Variants in MAD1L1 observed in about 807,000 individuals in gnomAD.
MAD1L1 encodes mitotic arrest deficient 1 like 1, also known as mitotic spindle assembly checkpoint protein MAD1.
MAD1L1 carries 95 observed loss-of-function variants against 96.9 expected under a neutral mutation model. That is an observed-to-expected ratio of 0.98 (90% CI 0.83 to 1.16). MAD1L1 has a LOEUF of 1.16. Ranked by LOEUF, MAD1L1 falls within the 50% of genes most tolerant of loss-of-function variation. MAD1L1 has a pLI of 0.00. For missense variants in MAD1L1, 1,007 were observed against 954.4 expected (o/e 1.06, Z -0.73); for synonymous variants, 473 against 396.6 (o/e 1.19, Z -2.29).
At chr7:1,843,818 T>C (rs1783423131) in intron 18 of MAD1L1, among the ~76,000 whole-genome samples, 1 of 152,180 alleles carries the variant, frequency 6.6e-6, no homozygotes, top group Non-Finnish European at 1.5e-5. Context: ...CCAGACAGCG[T>C]GGGCAATGCT....
chr7:1,916,666 T>C (rs1788417419), intron 17 of MAD1L1, among the ~76,000 whole-genome samples: 1 of 152,064 alleles, frequency 6.6e-6, no homozygotes, highest in Non-Finnish European at 1.5e-5. Flanking sequence ...TGGGGGATGA[T>C]CACTGGCGGG....
At chr7:2,205,084 C>CTTTTTTTTTTTTTTT (rs56101356) in intron 10 of MAD1L1, among the ~76,000 whole-genome samples, 3 of 103,862 alleles carry the variant, frequency 2.9e-5, no homozygotes, top group African/African-American at 3.6e-5. Context: ...AGGATCTTTT[C>CTTTTTTTTTTTTTTT]TTTTTTTTTT....
intron 11 of MAD1L1, among the ~76,000 whole-genome samples, chr7:2,081,406 C>T (rs572318462): frequency 6.6e-6 from 1 of 152,380 alleles, no homozygotes; most frequent in East Asian, 1.9e-4. Flanking sequence ...TCCACCAACA[C>T]TTCTCCAATT....
chr7:1,935,271 T>C (rs959339161), intron 17 of MAD1L1, among the ~76,000 whole-genome samples: 1 of 152,218 alleles, frequency 6.6e-6, no homozygotes, highest in Non-Finnish European at 1.5e-5. Context: ...GAAAGGGGGC[T>C]GGGGACATGG....
intron 18 of MAD1L1, chr7:1,854,377 T>C: frequency 2.1e-6 from 1 of 472,820 alleles, no homozygotes; most frequent in East Asian, 6.5e-5. Flanking sequence ...TGGAAGCCTG[T>C]ATTGGTCCAC....
intron 1 of MAD1L1, among the ~76,000 whole-genome samples, chr7:2,231,575 C>T (rs956599852): frequency 1.3e-5 from 2 of 151,924 alleles, no homozygotes; most frequent in Non-Finnish European, 2.9e-5. Context: ...CCACTGCATT[C>T]CAGCCTGGGT....
rs183547291 is a variant in MAD1L1, at chr7:1,856,751, G to A, written c.1999-40523C>T. ...TTCCTGCCAGCGGCAGGGCCCACGC[G>A]CACCCCGCGTGCCTCCACGTTCCAC... On this transcript the variant is annotated intron_variant, in intron 18 of 18. Coordinates refer to ENST00000265854, the MANE Select transcript of MAD1L1 (RefSeq NM_001013836.2). Among the ~76,000 whole-genome samples, 8 of 152,252 alleles carry A rather than the reference G, an allele frequency of 5.3e-5. No individual in the cohort carries two copies. The East Asian group carries it at 9.7e-4, about 18-fold the overall frequency.
intron 15 of MAD1L1, among the ~76,000 whole-genome samples, chr7:1,966,133 G>A (rs573556446): frequency 2.0e-5 from 3 of 152,364 alleles, no homozygotes; most frequent in East Asian, 3.9e-4. Flanking sequence ...AAGGCCAGGA[G>A]CGCTGCCAAG....
chr7:1,854,381 G>A (rs1368893741), intron 18 of MAD1L1: 1 of 470,764 alleles, frequency 2.1e-6, no homozygotes, highest in Admixed American at 2.2e-5. Flanking sequence ...AGCCTGTATT[G>A]GTCCACTCGG....
At chr7:2,188,179 A>T (rs967325742) in intron 10 of MAD1L1, among the ~76,000 whole-genome samples, 9 of 152,264 alleles carry the variant, frequency 5.9e-5, no homozygotes, top group African/African-American at 2.2e-4. Context: ...TTAGTACGAC[A>T]GTTTGAAAAG....
intron 18 of MAD1L1, among the ~76,000 whole-genome samples, chr7:1,817,782 C>T (rs537932431): frequency 1.5e-3 from 221 of 152,202 alleles, no homozygotes; most frequent in African/African-American, 4.9e-3. Flanking sequence ...TGGGAACCCT[C>T]CCCAGGAGCC....
intron 11 of MAD1L1, among the ~76,000 whole-genome samples, chr7:2,079,118 C>T (rs968652008): frequency 2.0e-5 from 3 of 152,230 alleles, no homozygotes; most frequent in Non-Finnish European, 4.4e-5. Flanking sequence ...GCCAGCTCAG[C>T]CCCCACACCG....
At chr7:2,020,334 G>A (rs1033868513) in intron 12 of MAD1L1, among the ~76,000 whole-genome samples, 3 of 152,170 alleles carry the variant, frequency 2.0e-5, no homozygotes, top group East Asian at 1.9e-4. Flanking sequence ...CAGCCCCAGC[G>A]TGACCCCAGC....
At chr7:1,904,479 C>T (rs1562509112) in intron 17 of MAD1L1, among the ~76,000 whole-genome samples, 1 of 136,974 alleles carries the variant, frequency 7.3e-6, no homozygotes, top group African/African-American at 3.2e-5. Flanking sequence ...CTGTTCCAGG[C>T]AGCGAGGACG....
rs1283584986 is a variant in MAD1L1 at position 2,019,825 on chromosome 7, C to T, written c.1219-5183G>A. ...TGCTCCTGGGCCGGATGCCCTGGCC[C>T]CCACAACCAACTACAGAACGCTTCG... On this transcript the variant is annotated intron_variant, in intron 12 of 18. Transcript: ENST00000265854. Among the ~76,000 whole-genome samples, 6 of 152,352 alleles carry T rather than the reference C, an allele frequency of 3.9e-5. No homozygotes were observed. The East Asian group carries it at 1.2e-3, about 29-fold the overall frequency.
intron 18 of MAD1L1, among the ~76,000 whole-genome samples, chr7:1,867,653 G>A (rs1692450178): frequency 6.6e-6 from 1 of 152,222 alleles, no homozygotes; most frequent in Non-Finnish European, 1.5e-5. Flanking sequence ...ACCTGCGCCT[G>A]AGGCCTCCTG....
chr7:2,113,986 G>A (rs2128557308), intron 11 of MAD1L1, among the ~76,000 whole-genome samples: 1 of 152,314 alleles, frequency 6.6e-6, no homozygotes, highest in South Asian at 2.1e-4. Context: ...TCCCAGGCCA[G>A]ATCCTGGCAC....
At chr7:1,901,749 G>A (rs1053102293) in intron 17 of MAD1L1, among the ~76,000 whole-genome samples, 3 of 152,178 alleles carry the variant, frequency 2.0e-5, no homozygotes, top group Admixed American at 1.3e-4. Context: ...CCGTAGGGAG[G>A]CCTTGAGCCC....
At chr7:2,160,057 G>A (rs530561957) in intron 10 of MAD1L1, among the ~76,000 whole-genome samples, 10 of 138,670 alleles carry the variant, frequency 7.2e-5, no homozygotes, top group African/African-American at 1.7e-4. Context: ...GTAAAACCCC[G>A]TCTCTGCAAA....
Sources: allele counts gnomAD v4.1 joint callset (sites outside exome capture counted in the v4.1 genomes callset), GRCh38; gene constraint gnomAD v4.1.1; transcripts MANE v1.5; gene names NCBI Gene and HGNC (gene_info 2026-07-23, HGNC 2026-07-21).